Variants in ANXA8 observed in about 807,000 individuals in gnomAD.
ANXA8 encodes the protein annexin A8, also known as VAC-beta.
In ANXA8, 9 loss-of-function variants were observed where a neutral mutation model predicts 26.8. That is an observed-to-expected ratio of 0.34 (90% confidence interval 0.20 to 0.59). The LOEUF is 0.59. Among genes scored for constraint, ANXA8 ranks in the 20% least tolerant of loss-of-function variants. ANXA8 has a pLI of 0.84. For synonymous variants in ANXA8, 39 were observed against 94.8 expected (o/e 0.41, Z 3.42); for missense variants, 83 against 238.5 (o/e 0.35, Z 4.29).
chr10:47,560,603 G>A, the ANXA8 span, among the ~76,000 whole-genome samples: 33 of 152,006 alleles, frequency 2.2e-4, no homozygotes, highest in African/African-American at 7.5e-4. Context: ...GCAGGGCACC[G>A]TGCCAGATTC....
At chr10:47,976,339 G>C in the ANXA8 span, among the ~76,000 whole-genome samples, 1 of 150,980 alleles carries the variant, frequency 6.6e-6, no homozygotes. Context: ...ATCTCAGTAA[G>C]AATAGCAAAT....
chr10:47,584,104 G>A, the ANXA8 span, among the ~76,000 whole-genome samples: 2,719 of 147,238 alleles, frequency 0.018, 106 homozygotes, highest in Admixed American at 0.032. Flanking sequence ...CGCCCAGCCC[G>A]GAAGGTTGAA....
chr10:47,703,394 C>A, the ANXA8 span, among the ~76,000 whole-genome samples: 38 of 151,412 alleles, frequency 2.5e-4, no homozygotes, highest in Non-Finnish European at 4.1e-4. Context: ...ATGGCAAAAC[C>A]CTGTCTCTAC....
At chr10:47,676,135 GAAAAGAC>G in the ANXA8 span, among the ~76,000 whole-genome samples, 1 of 151,566 alleles carries the variant, frequency 6.6e-6, no homozygotes, top group East Asian at 1.9e-4. Context: ...ATTGGAAAGA[GAAAAGAC>G]AGAAAAAGTC....
the ANXA8 span, among the ~76,000 whole-genome samples, chr10:47,646,099 T>C: frequency 6.7e-6 from 1 of 149,592 alleles, no homozygotes; most frequent in Non-Finnish European, 1.5e-5. Flanking sequence ...GTGTCATCTA[T>C]ATCTGTATCA....
the ANXA8 span, among the ~76,000 whole-genome samples, chr10:47,957,654 T>C: frequency 5.2e-3 from 782 of 149,088 alleles, 8 homozygotes; most frequent in Admixed American, 0.035. Context: ...TATCTCACGG[T>C]TCTGGAAGTC....
chr10:47,946,331 G>A, the ANXA8 span, among the ~76,000 whole-genome samples: 3 of 150,206 alleles, frequency 2.0e-5, no homozygotes, highest in Non-Finnish European at 4.4e-5. Context: ...GCGATGGTTG[G>A]GCTAATATCT....
chr10:47,498,347 G>C, the ANXA8 span, among the ~76,000 whole-genome samples: 1 of 145,364 alleles, frequency 6.9e-6, no homozygotes, highest in African/African-American at 2.5e-5. Flanking sequence ...CCTTTTTAAG[G>C]CTGAAGAACA....
At chr10:47,733,233 C>CTCTCTCTTTCTTTCTT in the ANXA8 span, among the ~76,000 whole-genome samples, 7 of 59,720 alleles carry the variant, frequency 1.2e-4, no homozygotes, top group East Asian at 5.0e-4. Flanking sequence ...CTTTCTTTCT[C>CTCTCTCTTTCTTTCTT]TCTTTCTTTC....
the ANXA8 span, among the ~76,000 whole-genome samples, chr10:47,497,585 C>G: frequency 2.7e-5 from 4 of 148,506 alleles, no homozygotes; most frequent in Non-Finnish European, 5.9e-5. Flanking sequence ...TGCCATTGCA[C>G]TCCAGCCTGG....
At chr10:47,487,979 G>A (rs1840076994), upstream of ANXA8, among the ~76,000 whole-genome samples, 1 of 149,628 alleles carries the variant, frequency 6.7e-6, no homozygotes, top group Non-Finnish European at 1.5e-5. Flanking sequence ...CAGTCTTAAT[G>A]TAATGATATT....
At chr10:47,730,694 T>C in the ANXA8 span, among the ~76,000 whole-genome samples, 70 of 148,684 alleles carry the variant, frequency 4.7e-4, no homozygotes, top group African/African-American at 1.6e-3. Context: ...AGCAGATCCC[T>C]GGGAATTAAA....
chr10:47,898,725 G>A, the ANXA8 span, among the ~76,000 whole-genome samples: 2 of 107,616 alleles, frequency 1.9e-5, no homozygotes, highest in Non-Finnish European at 3.7e-5. Flanking sequence ...CTTGAAGTCA[G>A]GCATTTTGTG....
the ANXA8 span, among the ~76,000 whole-genome samples, chr10:47,979,116 TAAG>T: frequency 0.025 from 3,695 of 150,812 alleles, 59 homozygotes; most frequent in African/African-American, 0.085. Context: ...TTCAATCTAT[TAAG>T]AAGACATGGC....
the ANXA8 span, among the ~76,000 whole-genome samples, chr10:47,648,072 G>C: frequency 6.6e-6 from 1 of 151,878 alleles, no homozygotes; most frequent in Non-Finnish European, 1.5e-5. Flanking sequence ...TGTTACCTCT[G>C]AAGAGGCACT....
chr10:47,684,774 C>A, the ANXA8 span, among the ~76,000 whole-genome samples: 1 of 149,760 alleles, frequency 6.7e-6, no homozygotes, highest in African/African-American at 2.5e-5. Context: ...TTAGTAGAGA[C>A]GGGGTTTTAC....
At chr10:47,649,979 A>C in the ANXA8 span, among the ~76,000 whole-genome samples, 1 of 150,750 alleles carries the variant, frequency 6.6e-6, no homozygotes, top group East Asian at 2.0e-4. Flanking sequence ...AGGCCAAAGT[A>C]GATGGATCAC....
the ANXA8 span, among the ~76,000 whole-genome samples, chr10:47,743,960 C>G: frequency 5.0e-5 from 7 of 140,990 alleles, no homozygotes; most frequent in Non-Finnish European, 7.7e-5. Context: ...ATTTGCCAGA[C>G]GGTACTGCAG....
the ANXA8 span, among the ~76,000 whole-genome samples, chr10:47,548,951 C>T: frequency 6.6e-6 from 1 of 152,276 alleles, no homozygotes; most frequent in South Asian, 2.1e-4. Context: ...TAGCACAGTG[C>T]CAGGAAGGAT....
Sources: allele counts gnomAD v4.1 joint callset (sites outside exome capture counted in the v4.1 genomes callset), GRCh38; gene constraint gnomAD v4.1.1; transcripts MANE v1.5; gene names NCBI Gene and HGNC (gene_info 2026-07-23, HGNC 2026-07-21).